SLC1A1: variants seen among roughly 807,000 people sequenced by gnomAD.
SLC1A1 encodes solute carrier family 1 member 1.
In SLC1A1, 43 loss-of-function variants were observed where a neutral mutation model predicts 53.3. The ratio of observed to expected loss-of-function variants is 0.81; its 90% CI spans 0.63 to 1.04. The LOEUF (loss-of-function observed/expected upper bound fraction) is 1.04. Ranked by LOEUF, SLC1A1 falls within the 50% of genes least tolerant of loss-of-function variation. The pLI is 0.00. For synonymous variants in SLC1A1, 307 were observed against 243.2 expected, an observed-to-expected ratio of 1.26 and a Z score of -2.44; for missense variants, 748 against 664.9, an observed-to-expected ratio of 1.12 and a Z score of -1.37.
intron 2 of SLC1A1, chr9:4,559,930 G>A (rs533937892): frequency 1.3e-5 from 2 of 152,228 alleles, no homozygotes; most frequent in Admixed American, 6.5e-5. Context: ...CTTTGATAGA[G>A]AGCAAAGGTT....
rs1820191149 is a variant in SLC1A1, at chr9:4,490,515, G to A, written c.-165G>A. On this transcript the variant is annotated 5_prime_UTR_variant, in exon 1 of 12. Coordinates refer to ENST00000262352, the MANE Select transcript of SLC1A1 (RefSeq NM_004170.6). ...GCGGCGGGCGCGGTGCGCGATCCCG[G>A]GTGGCGGCGGCAACGGCGGTGGTGA... 4.7e-6 allele frequency: 2 copies of A among 422,090 alleles called. No individual in the cohort carries two copies. The highest frequency in any genetic ancestry group is 4.7e-5 in the Admixed American group (1 of 21,356). 26.1% of individuals were successfully genotyped at this position (422,090 alleles called of 1,614,324 possible). A position where few individuals can be genotyped will look rare whatever the true frequency, so the allele number is the denominator to read the frequency against.
chr9:4,497,830 C>T (rs7044130), intron 1 of SLC1A1, among the ~76,000 whole-genome samples: 7,577 of 152,122 alleles, frequency 0.05, 613 homozygotes, highest in African/African-American at 0.17. Context: ...AAAAGTATAT[C>T]TGATACCTAT....
chr9:4,585,641 C>A lies in SLC1A1; in HGVS notation c.*83C>A. ...AAACACTGCTTAAGGAAAAGAGAAACACTAATGGCCAAGTGTACATTTGAT... is the reference window on the plus strand; with the variant it reads ...AAACACTGCTTAAGGAAAAGAGAAAAACTAATGGCCAAGTGTACATTTGAT... On this transcript the variant is annotated 3_prime_UTR_variant, in exon 12 of 12. Coordinates refer to ENST00000262352, the MANE Select transcript of SLC1A1 (RefSeq NM_004170.6). The A allele has an allele frequency of 6.7e-7, 1 of 1,490,476 alleles. No homozygotes were observed. Among genetic ancestry groups the A allele is most frequent in the Non-Finnish European group, 9.3e-7 (1 of 1,070,170 alleles). The allele number at this position is 1,490,476 out of a possible 1,614,324, so 92.3% of individuals were successfully genotyped here. A position where few individuals can be genotyped will look rare whatever the true frequency, so the allele number is the denominator to read the frequency against.
At chr9:4,584,163 A>G (rs1821375214) in intron 11 of SLC1A1, among the ~76,000 whole-genome samples, 1 of 152,240 alleles carries the variant, frequency 6.6e-6, no homozygotes, top group Admixed American at 6.5e-5. Context: ...GTGACAGATG[A>G]GATGGAAAGG....
At chr9:4,499,951 G>A (rs142759897) in intron 1 of SLC1A1, among the ~76,000 whole-genome samples, 4 of 152,346 alleles carry the variant, frequency 2.6e-5, no homozygotes, top group African/African-American at 7.2e-5. Flanking sequence ...GTCAGACAAG[G>A]TAGGATTAGG....
At chr9:4,546,838 T>C (rs570765478) in intron 2 of SLC1A1, among the ~76,000 whole-genome samples, 21 of 152,308 alleles carry the variant, frequency 1.4e-4, no homozygotes, top group Admixed American at 3.9e-4. Context: ...GAGAATACAA[T>C]GCAAACTTTG....
intron 1 of SLC1A1, among the ~76,000 whole-genome samples, chr9:4,495,319 G>C (rs1433791522): frequency 6.6e-6 from 1 of 152,170 alleles, no homozygotes; most frequent in Non-Finnish European, 1.5e-5. Flanking sequence ...TAACAGATAT[G>C]TATCAGACCC....
At chr9:4,564,205 C>A in intron 3 of SLC1A1, 139 bp from the exon 4 acceptor site, 1 of 692,024 alleles carries the variant, frequency 1.4e-6, no homozygotes, top group East Asian at 2.7e-5. Context: ...AGAGGAGGCT[C>A]AGCATTTTGG....
intron 2 of SLC1A1, among the ~76,000 whole-genome samples, chr9:4,551,060 C>G (rs1157786554): frequency 6.6e-6 from 1 of 152,178 alleles, no homozygotes; most frequent in Non-Finnish European, 1.5e-5. Context: ...ACAAAATAAA[C>G]TACCACATCA....
chr9:4,549,870 C>T lies in SLC1A1; in HGVS notation c.232+5163C>T, dbSNP rs984790289. Reference sequence around the variant, plus strand: ...AGGCTGGGCCAAGTCCATGCCAGTTCCTGTGCACATTTCTTCCTCCAGAGC... The same window carrying T: ...AGGCTGGGCCAAGTCCATGCCAGTTTCTGTGCACATTTCTTCCTCCAGAGC... On this transcript the variant is annotated intron_variant, in intron 2 of 11. Transcript: ENST00000262352. The surrounding 1 kb of genome is among the most constrained non-coding windows in gnomAD (Gnocchi z 4.1). Among the ~76,000 whole-genome samples, 27 of 152,188 alleles carry T rather than the reference C, an allele frequency of 1.8e-4. No homozygotes were observed. Among genetic ancestry groups the T allele is most frequent in the Admixed American group, 7.9e-4 (12 of 15,274 alleles).
chr9:4,555,024 C>CACTT (rs1818246473), intron 2 of SLC1A1, among the ~76,000 whole-genome samples: 1 of 152,200 alleles, frequency 6.6e-6, no homozygotes, highest in South Asian at 2.1e-4. Context: ...TGAGGTTGTT[C>CACTT]ACTTTGTTCC....
Position 4,561,557 on chromosome 9 carries a change from G to C in SLC1A1, c.325+16G>C, listed in dbSNP as rs1818941945. Reference sequence around the variant, plus strand: ...GTTATTCTAGGTAATACTTATTTCTGAATCCTTACTACTTTATGTAATGGT... The same window carrying C: ...GTTATTCTAGGTAATACTTATTTCTCAATCCTTACTACTTTATGTAATGGT... On this transcript the variant is annotated intron_variant, in intron 3 of 11. Transcript: ENST00000262352. 2.9e-6 allele frequency: 4 copies of C among 1,376,630 alleles called. No homozygotes were observed. Among genetic ancestry groups the C allele is most frequent in the Non-Finnish European group, 4.2e-6 (4 of 963,494 alleles). The allele number at this position is 1,376,630 out of a possible 1,614,324, so 85.3% of individuals were successfully genotyped here.
chr9:4,574,751 T>C (rs1157964849), intron 8 of SLC1A1, among the ~76,000 whole-genome samples: 1 of 152,146 alleles, frequency 6.6e-6, no homozygotes, highest in African/African-American at 2.4e-5. Flanking sequence ...AATAAATAAA[T>C]ATCATTGATT....
Position 4,531,125 on chromosome 9 carries a change from G to A in SLC1A1, c.92-13442G>A, listed in dbSNP as rs150832422. 6.1e-3 allele frequency among the ~76,000 whole-genome samples: 932 copies of A among 152,308 alleles called. 6 individuals are homozygous for A. The highest frequency in any genetic ancestry group is 0.021 in the African/African-American group (867 of 41,580). On this transcript the variant is annotated intron_variant, in intron 1 of 11. Coordinates refer to ENST00000262352, the MANE Select transcript of SLC1A1 (RefSeq NM_004170.6). ...AGAGCTCCAGTCTACAGCTCCCAGC[G>A]TGAGTGACTCAGAAGATGGGTGATT...
At chr9:4,552,880 C>A (rs995457443) in intron 2 of SLC1A1, among the ~76,000 whole-genome samples, 1 of 151,798 alleles carries the variant, frequency 6.6e-6, no homozygotes, top group Non-Finnish European at 1.5e-5. Flanking sequence ...CCTGAACTGG[C>A]AGCAGAATCT....
rs1586881938 is a variant in SLC1A1, at chr9:4,587,284, G to A, written c.*1726G>A. The stretch of plus-strand genomic sequence containing the variant: ...TGAAATTGAATCAGTAATTTATCTT[G>A]GGCTAAATGGTTCTACCCCTTACTA... On this transcript the variant is annotated 3_prime_UTR_variant, in exon 12 of 12. Coordinates refer to ENST00000262352, the MANE Select transcript of SLC1A1 (RefSeq NM_004170.6). 2 of 152,218 alleles carry A rather than the reference G, an allele frequency of 1.3e-5. No homozygotes were observed. The highest frequency in any genetic ancestry group is 3.9e-4 in the East Asian group (2 of 5,176). The allele number at this position is 152,218 out of a possible 1,614,324, so 9.4% of individuals were successfully genotyped here. A position where few individuals can be genotyped will look rare whatever the true frequency, so the allele number is the denominator to read the frequency against.
chr9:4,515,615 A>AGTGTGAAGCACAG (rs1338001325), intron 1 of SLC1A1, among the ~76,000 whole-genome samples: 8,372 of 70,136 alleles, frequency 0.12, 770 homozygotes, highest in African/African-American at 0.3. Flanking sequence ...AACATCAACA[A>AGTGTGAAGCACAG]TGTCAAAGGT....
At chr9:4,521,229 C>CA (rs1816058603) in intron 1 of SLC1A1, among the ~76,000 whole-genome samples, 1 of 152,060 alleles carries the variant, frequency 6.6e-6, no homozygotes, top group Non-Finnish European at 1.5e-5. Flanking sequence ...CAACATTTTT[C>CA]AAAAAAATTT....
At chr9:4,545,849 G>A (rs918352195) in intron 2 of SLC1A1, among the ~76,000 whole-genome samples, 7 of 150,716 alleles carry the variant, frequency 4.6e-5, no homozygotes, top group Admixed American at 6.6e-5. Context: ...GTCTGGCTGT[G>A]ATAAGTTTCT....
Sources: gnomAD v4.1 joint callset for allele counts (sites outside exome capture counted in the v4.1 genomes callset) on GRCh38, gnomAD v4.1.1 for gene constraint, Gnocchi (gnomAD v3.1) non-coding constraint, MANE v1.5 for transcripts, NCBI Gene and HGNC (gene_info 2026-07-23, HGNC 2026-07-21) for gene names.